ALK: variants seen among roughly 807,000 people sequenced by gnomAD.
ALK encodes ALK receptor tyrosine kinase, also known as ALK tyrosine kinase receptor.
In ALK, 74 loss-of-function variants were observed where a neutral mutation model predicts 163.1. The ratio of observed to expected loss-of-function variants is 0.45; its 90% confidence interval spans 0.38 to 0.55. ALK has a LOEUF of 0.55. ALK is among the 20% of genes least tolerant of loss of function. ALK has a pLI of 0.00. For synonymous variants in ALK, 960 were observed against 843.2 expected, an observed-to-expected ratio of 1.14 and a Z score of -2.40; for missense variants, 2,063 against 2,105.3, an observed-to-expected ratio of 0.98 and a Z score of 0.39.
chr2:29,399,927 C>T (rs1669402677), intron 4 of ALK, among the ~76,000 whole-genome samples: 2 of 151,996 alleles, frequency 1.3e-5, no homozygotes, highest in African/African-American at 4.8e-5. Context: ...CCCATTTTTT[C>T]GATAGGAAAA....
chr2:29,547,712 T>C (rs1243097165), intron 3 of ALK, among the ~76,000 whole-genome samples: 1 of 152,200 alleles, frequency 6.6e-6, no homozygotes, highest in Admixed American at 6.5e-5. Flanking sequence ...CTTCCTTCTC[T>C]CTTGCCTCCT....
chr2:29,777,031 G>A (rs1038344862), intron 1 of ALK, among the ~76,000 whole-genome samples: 1 of 152,026 alleles, frequency 6.6e-6, no homozygotes, highest in African/African-American at 2.4e-5. Context: ...CCATGGAGTC[G>A]GGATTTTCCT....
intron 4 of ALK, among the ~76,000 whole-genome samples, chr2:29,479,147 C>T (rs1479114011): frequency 6.6e-6 from 1 of 152,132 alleles, no homozygotes. Context: ...CCTGGGAGCA[C>T]TCAGGGTTCC....
chr2:29,755,611 G>A (rs1680499056), intron 1 of ALK, among the ~76,000 whole-genome samples: 1 of 152,180 alleles, frequency 6.6e-6, no homozygotes, highest in Non-Finnish European at 1.5e-5. Context: ...CCATTCCGGG[G>A]TCCCCTGCAT....
At chr2:29,714,443 A>T (rs930574215) in intron 2 of ALK, among the ~76,000 whole-genome samples, 2 of 152,180 alleles carry the variant, frequency 1.3e-5, no homozygotes, top group Non-Finnish European at 2.9e-5. Context: ...AATAAATCTT[A>T]TTAGCCTCTT....
intron 11 of ALK, among the ~76,000 whole-genome samples, chr2:29,271,853 G>T (rs1665395674): frequency 6.6e-6 from 1 of 152,226 alleles, no homozygotes; most frequent in South Asian, 2.1e-4. Context: ...GCAAGGCTGT[G>T]GTTTTGATGC....
intron 4 of ALK, among the ~76,000 whole-genome samples, chr2:29,415,529 C>T (rs1030345233): frequency 6.6e-5 from 10 of 152,132 alleles, no homozygotes; most frequent in African/African-American, 2.4e-4. Context: ...ACCTTAGGAC[C>T]ACACAGTGCT....
In ALK at chr2:29,400,415, G is replaced by A. The variant is rs140358809; in HGVS notation, c.1155-16556C>T. Among the ~76,000 whole-genome samples the A allele has an allele frequency of 1.4e-4, 21 of 152,116 alleles. 1 individual carries two copies. The highest frequency in any genetic ancestry group is 7.2e-4 in the Admixed American group (11 of 15,280). On this transcript the variant is annotated intron_variant, in intron 4 of 28. Coordinates refer to ENST00000389048, the MANE Select transcript of ALK (RefSeq NM_004304.5). The stretch of plus-strand genomic sequence containing the variant: ...TCCATGCTCTTGAGTGACCCTTCTC[G>A]CTTTGGTCCAACCCATTAATGGCCT...
At chr2:29,540,901 G>A (rs1197536439) in intron 3 of ALK, among the ~76,000 whole-genome samples, 1 of 152,086 alleles carries the variant, frequency 6.6e-6, no homozygotes, top group Admixed American at 6.5e-5. Flanking sequence ...AACTCACAAA[G>A]TTCGTTTAAA....
At chr2:29,459,563 G>T (rs943248672) in intron 4 of ALK, among the ~76,000 whole-genome samples, 3 of 143,402 alleles carry the variant, frequency 2.1e-5, no homozygotes, top group African/African-American at 5.1e-5. Context: ...TCTAGCTAAT[G>T]ATTTTTTTTT....
At chr2:29,788,201 G>C (rs370495242) in intron 1 of ALK, among the ~76,000 whole-genome samples, 6 of 152,214 alleles carry the variant, frequency 3.9e-5, no homozygotes, top group African/African-American at 1.4e-4. Context: ...AAGGAGCATA[G>C]TGATAACTCG....
At chr2:29,901,864 C>T (rs2148431294) in intron 1 of ALK, among the ~76,000 whole-genome samples, 1 of 152,178 alleles carries the variant, frequency 6.6e-6, no homozygotes, top group Non-Finnish European at 1.5e-5. Context: ...TATTGTGTTC[C>T]TCAGTTTACA....
rs186544038 is a variant in ALK, at chr2:29,709,734, T to C, written c.787+7844A>G. 4.2e-4 allele frequency among the ~76,000 whole-genome samples: 64 copies of C among 152,260 alleles called. No homozygotes were observed. The East Asian group carries it at 0.011, about 25-fold the overall frequency. ...TAGTGCGGTCACCAGCTGCTGGTTG[T>C]GAATACTTGCTATATGGTATCCAAA... On this transcript the variant is annotated intron_variant, in intron 2 of 28. Transcript: ENST00000389048.
rs1466204048 is a variant in ALK, at chr2:29,328,389, G to C, written c.1375C>G (p.Gln459Glu). 6.2e-7 allele frequency: 1 copy of C among 1,614,148 alleles called. No individual in the cohort carries two copies. Among genetic ancestry groups the C allele is most frequent in the East Asian group, 2.2e-5 (1 of 44,866 alleles). The change falls in exon 6 of 29, where the codon CAG becomes GAG. Residue 459 changes from glutamine to glutamate, a missense_variant. This residue lies in a region of ALK where 987 missense variants were observed against 939.5 expected (regional missense o/e 1.05). Coordinates refer to ENST00000389048, the MANE Select transcript of ALK (RefSeq NM_004304.5). Reference protein sequence around the residue: ...LQLGQACDFHQDCAQGEDESQ... With the variant: ...LQLGQACDFHEDCAQGEDESQ... ...TCATCTTCTCCCTGGGCACAGTCCT[G>C]GTGGAAGTCACAGGCCTGCCCAAGC...
At chr2:29,732,241 C>T (rs1184502087) in intron 1 of ALK, among the ~76,000 whole-genome samples, 2 of 152,150 alleles carry the variant, frequency 1.3e-5, no homozygotes, top group Admixed American at 6.5e-5. Context: ...AATTTGGGGT[C>T]GCTTGCAAAT....
rs1060500232 is a variant in ALK at position 29,275,094 on chromosome 2, C to T, written c.2041+5G>A. ...TGTGCTCACATTTGTGAGCTGAACC[C>T]TTACCTGTAGGGTCAAAGATGGGGG... On this transcript the variant is annotated splice_donor_5th_base_variant and intron_variant, in intron 11 of 28. Transcript: ENST00000389048. 2.5e-6 allele frequency: 4 copies of T among 1,613,930 alleles called. No individual in the cohort carries two copies. Among genetic ancestry groups the T allele is most frequent in the African/African-American group, 1.3e-5 (1 of 74,918 alleles).
Position 29,334,504 on chromosome 2 carries a change from G to A in ALK, c.1283-6023C>T, listed in dbSNP as rs375734086. On this transcript the variant is annotated intron_variant, in intron 5 of 28. Coordinates refer to ENST00000389048, the MANE Select transcript of ALK (RefSeq NM_004304.5). ...CTATTCTTTATGCGGCCTCCAAGGA[G>A]TGGTAATGGTGGGCATGGAAGGTCA... Among the ~76,000 whole-genome samples, 33 of 152,304 alleles carry A rather than the reference G, an allele frequency of 2.2e-4. No homozygotes were observed. The South Asian group carries it at 6.6e-3, about 31-fold the overall frequency.
chr2:29,572,597 T>C (rs1215593747), intron 3 of ALK, among the ~76,000 whole-genome samples: 1 of 152,168 alleles, frequency 6.6e-6, no homozygotes, highest in Non-Finnish European at 1.5e-5. Context: ...CATAGCAGCC[T>C]CTATTTCTTC....
At chr2:29,510,495 G>A (rs1196962079) in intron 4 of ALK, among the ~76,000 whole-genome samples, 1 of 152,066 alleles carries the variant, frequency 6.6e-6, no homozygotes, top group East Asian at 1.9e-4. Context: ...TAATTTCCTT[G>A]AGCCTTAGTT....
Sources: allele counts gnomAD v4.1 joint callset (sites outside exome capture counted in the v4.1 genomes callset), GRCh38; gene constraint gnomAD v4.1.1; regional missense constraint gnomAD v4.1.1; transcripts MANE v1.5; gene names NCBI Gene and HGNC (gene_info 2026-07-23, HGNC 2026-07-21).